Variants in PLEKHA8 observed in about 807,000 individuals in gnomAD.
The protein encoded by PLEKHA8 is pleckstrin homology domain-containing family A member 8.
In PLEKHA8, 36 loss-of-function variants were observed where a neutral mutation model predicts 68.2. The ratio of observed to expected loss-of-function variants is 0.53; its 90% CI spans 0.40 to 0.70. PLEKHA8 has a LOEUF of 0.70. PLEKHA8 is among the 30% of genes least tolerant of loss of function. The pLI is 0.00. For missense variants in PLEKHA8, 505 were observed against 615.4 expected, an observed-to-expected ratio of 0.82 and a Z score of 1.90; for synonymous variants, 211 against 216.1, an observed-to-expected ratio of 0.98 and a Z score of 0.20.
rs1208290810 is a variant in PLEKHA8 at position 30,056,879 on chromosome 7, TTTAAA to T, written c.1039+1541_1039+1545del. Among the ~76,000 whole-genome samples the T allele has an allele frequency of 2.7e-5, 4 of 146,976 alleles. No homozygotes were observed. In the South Asian group the frequency reaches 8.4e-4, roughly 31 times the overall value. On this transcript the variant is annotated intron_variant, in intron 9 of 13. Coordinates refer to ENST00000449726, the MANE Select transcript of PLEKHA8 (RefSeq NM_001197026.2). Reference sequence around the variant, plus strand: ...TATATCTGAAAATTTATATGTAACATTTAAATTATATGTAATTTATATCTAACAAA... The same window carrying T: ...TATATCTGAAAATTTATATGTAACATTTATATGTAATTTATATCTAACAAA...
Position 30,080,735 on chromosome 7 carries a change from C to T in PLEKHA8, c.*1948C>T, listed in dbSNP as rs115343927. Reference sequence around the variant, plus strand: ...CAAGGTGTGTGTGTGTTATTTCCCTCCCACTCTCATGAGCAGTGAGTATAG... The same window carrying T: ...CAAGGTGTGTGTGTGTTATTTCCCTTCCACTCTCATGAGCAGTGAGTATAG... On this transcript the variant is annotated 3_prime_UTR_variant, in exon 14 of 14. Transcript: ENST00000449726. 1.1e-3 allele frequency: 1,109 copies of T among 985,234 alleles called. 12 individuals are homozygous for T. The African/African-American group carries it at 0.017, about 15-fold the overall frequency. 61.0% of individuals were successfully genotyped at this position (985,234 alleles called of 1,614,324 possible). A position where few individuals can be genotyped will look rare whatever the true frequency, so the allele number is the denominator to read the frequency against.
In PLEKHA8 at chr7:30,106,055, C is replaced by CT. The variant is rs796485725; in HGVS notation, c.1363-23196dup. The stretch of plus-strand genomic sequence containing the variant: ...TTTTTCACCTTTAAGTCTTTAACAT[C>CT]TTTTTTTTTTTTTTTCTTTTTGAGG... On this transcript the variant is annotated intron_variant, in intron 13 of 13. Coordinates refer to the PLEKHA8 transcript ENST00000396257. Among the ~76,000 whole-genome samples the CT allele has an allele frequency of 5.5e-3, 767 of 140,462 alleles. 2 individuals are homozygous for CT. Among genetic ancestry groups the CT allele is most frequent in the African/African-American group, 9.3e-3 (359 of 38,570 alleles). The allele number at this position is 140,462 out of a possible 152,430, so 92.1% of individuals were successfully genotyped here.
At chr7:30,060,333 C>G (rs537306608) in intron 9 of PLEKHA8, among the ~76,000 whole-genome samples, 4 of 150,134 alleles carry the variant, frequency 2.7e-5, no homozygotes, top group African/African-American at 9.8e-5. Flanking sequence ...CTCAGCTACT[C>G]GGGAGGCTGA....
rs1336513240 is a variant in PLEKHA8, at chr7:30,084,381, A to G, written c.*5594A>G. 10 of 985,392 alleles carry G rather than the reference A, an allele frequency of 1.0e-5. 1 individual carries two copies. In the South Asian group the frequency reaches 4.7e-4, roughly 46 times the overall value. 61.0% of individuals were successfully genotyped at this position (985,392 alleles called of 1,614,324 possible). A position where few individuals can be genotyped will look rare whatever the true frequency, so the allele number is the denominator to read the frequency against. On this transcript the variant is annotated 3_prime_UTR_variant, in exon 14 of 14. Transcript: ENST00000449726. ...GAATGAGCATCATAATCAGAGTAGA[A>G]GGCAAGTTAAACTATAAAAGTGTCA...
intron 12 of PLEKHA8, among the ~76,000 whole-genome samples, chr7:30,070,071 A>G (rs910544962): frequency 6.6e-6 from 1 of 152,250 alleles, no homozygotes. Context: ...TTTTAATGCC[A>G]TCAGTCTCAC....
chr7:30,061,809 T>C, intron 10 of PLEKHA8, 88 bp from the exon 11 acceptor site: 1 of 1,475,810 alleles, frequency 6.8e-7, no homozygotes, highest in Middle Eastern at 2.5e-4. Flanking sequence ...GAGGCCTGCT[T>C]GCCAAACTTA....
At chr7:30,044,527 A>G (rs1291543434) in intron 1 of PLEKHA8, among the ~76,000 whole-genome samples, 4 of 152,244 alleles carry the variant, frequency 2.6e-5, no homozygotes, top group South Asian at 2.1e-4. Flanking sequence ...ATACTAAAGA[A>G]TAAGTCAAAC....
chr7:30,079,276 C>G lies in PLEKHA8; in HGVS notation c.*489C>G. The G allele has an allele frequency of 1.0e-6, 1 of 989,016 alleles. No homozygotes were observed. The highest frequency in any genetic ancestry group is 1.2e-6 in the Non-Finnish European group (1 of 832,346). The allele number at this position is 989,016 out of a possible 1,614,324, so 61.3% of individuals were successfully genotyped here. A position where few individuals can be genotyped will look rare whatever the true frequency, so the allele number is the denominator to read the frequency against. On this transcript the variant is annotated 3_prime_UTR_variant, in exon 14 of 14. Transcript: ENST00000449726. ...GTTCCTAGATGTTCTTCAGTGGACC[C>G]TCTTCACTGCAACTCTGTCAGTGAT...
chr7:30,121,340 GT>G (rs1332792435), intron 13 of PLEKHA8, among the ~76,000 whole-genome samples: 2 of 151,698 alleles, frequency 1.3e-5, no homozygotes, highest in African/African-American at 4.9e-5. Flanking sequence ...AAAACTTACA[GT>G]TTATTGGCTG....
intron 1 of PLEKHA8, among the ~76,000 whole-genome samples, chr7:30,031,192 C>A (rs534700932): frequency 6.6e-6 from 1 of 152,268 alleles, no homozygotes; most frequent in African/African-American, 2.4e-5. Context: ...AAGCCCATGC[C>A]CTTCTTGAGC....
At chr7:30,054,072 G>A (rs1210643814) in intron 7 of PLEKHA8, among the ~76,000 whole-genome samples, 1 of 152,032 alleles carries the variant, frequency 6.6e-6, no homozygotes, top group African/African-American at 2.4e-5. Flanking sequence ...AACGCTAGAC[G>A]GTACTATACT....
chr7:30,047,831 G>A lies in PLEKHA8; in HGVS notation c.314-1G>A. 1 of 1,609,098 alleles carries A rather than the reference G, an allele frequency of 6.2e-7. No individual in the cohort carries two copies. Among genetic ancestry groups the A allele is most frequent in the Non-Finnish European group, 8.5e-7 (1 of 1,177,320 alleles). On this transcript the variant is annotated splice_acceptor_variant, in intron 3 of 13. Transcript: ENST00000449726. LOFTEE classifies it high-confidence loss of function. ...TGCATTATCATCATTTTGTCATTTA[G>A]AGTTTGCTGAAAACACTGAAAACTT...
At chr7:30,100,280 G>A (rs1315443320) in intron 13 of PLEKHA8, among the ~76,000 whole-genome samples, 1 of 152,168 alleles carries the variant, frequency 6.6e-6, no homozygotes, top group East Asian at 1.9e-4. Flanking sequence ...ACTAGGCACG[G>A]TGGCTCACAC....
At chr7:30,074,001 A>AAAG in intron 12 of PLEKHA8, 70 bp from the exon 13 acceptor site, 50 of 1,284,464 alleles carry the variant, frequency 3.9e-5, no homozygotes, top group Middle Eastern at 1.9e-4. Context: ...AAAAAAAAAA[A>AAAG]GTACATTATA....
intron 13 of PLEKHA8, among the ~76,000 whole-genome samples, chr7:30,078,168 A>G (rs991180273): frequency 3.9e-5 from 6 of 152,096 alleles, no homozygotes; most frequent in African/African-American, 1.4e-4. Flanking sequence ...ATATATAGAG[A>G]TGAGATACAA....
intron 1 of PLEKHA8, among the ~76,000 whole-genome samples, chr7:30,044,748 A>G (rs1791817018): frequency 6.6e-6 from 1 of 152,230 alleles, no homozygotes; most frequent in Admixed American, 6.5e-5. Context: ...ATCACAGACT[A>G]CTGGTACTGT....
At chr7:30,056,548 G>T (rs920070871) in intron 9 of PLEKHA8, among the ~76,000 whole-genome samples, 2 of 148,086 alleles carry the variant, frequency 1.4e-5, no homozygotes, top group African/African-American at 4.9e-5. Flanking sequence ...GGCCAACATG[G>T]TAAAACCCCG....
At position 30,082,547 on chromosome 7, in the gene PLEKHA8, A is replaced by G; in HGVS notation, c.*3760A>G. The stretch of plus-strand genomic sequence containing the variant: ...GGGGCACCTAGGAAAGATGATTATT[A>G]GAGGAGTGCAGCGGAAAAAAATTTG... On this transcript the variant is annotated 3_prime_UTR_variant, in exon 14 of 14. Transcript: ENST00000449726. 1 of 985,398 alleles carries G rather than the reference A, an allele frequency of 1.0e-6. No individual in the cohort carries two copies. The highest frequency in any genetic ancestry group is 6.1e-5 in the Admixed American group (1 of 16,276). The allele number at this position is 985,398 out of a possible 1,614,324, so 61.0% of individuals were successfully genotyped here. A position where few individuals can be genotyped will look rare whatever the true frequency, so the allele number is the denominator to read the frequency against.
chr7:30,079,586 CCACTT>C lies in PLEKHA8; in HGVS notation c.*802_*806del, dbSNP rs1273255374. 1.2e-6 allele frequency: 1 copy of C among 830,946 alleles called. No homozygotes were observed. Among genetic ancestry groups the C allele is most frequent in the Non-Finnish European group, 1.5e-6 (1 of 689,360 alleles). The allele number at this position is 830,946 out of a possible 1,614,324, so 51.5% of individuals were successfully genotyped here. A position where few individuals can be genotyped will look rare whatever the true frequency, so the allele number is the denominator to read the frequency against. The stretch of plus-strand genomic sequence containing the variant: ...AATGATACCCAGAGGGATTATTACT[CCACTT>C]CAAAAGCAAGGTTTAGAAGTTGAGG... On this transcript the variant is annotated 3_prime_UTR_variant, in exon 14 of 14. Transcript: ENST00000449726.
Sources: allele counts gnomAD v4.1 joint callset (sites outside exome capture counted in the v4.1 genomes callset), GRCh38; gene constraint gnomAD v4.1.1; transcripts MANE v1.5; gene names NCBI Gene and HGNC (gene_info 2026-07-23, HGNC 2026-07-21).